Variants in ROBO2 observed in about 807,000 individuals in gnomAD.
ROBO2 encodes roundabout homolog 2.
Under a neutral mutation model 160.8 loss-of-function variants are expected in ROBO2, and 53 were observed. That is an observed-to-expected ratio of 0.33 (90% CI 0.26 to 0.41). ROBO2 has a LOEUF of 0.41. Among genes scored for constraint, ROBO2 ranks in the 10% least tolerant of loss-of-function variants. The pLI is 1.00. For missense variants in ROBO2, 1,577 were observed against 1,722.4 expected (o/e 0.92, Z 1.49); for synonymous variants, 664 against 611.7 (o/e 1.09, Z -1.26).
intron 1 of ROBO2, among the ~76,000 whole-genome samples, chr3:75,914,010 C>A (rs1022891144): frequency 6.6e-6 from 1 of 152,130 alleles, no homozygotes; most frequent in South Asian, 2.1e-4. Context: ...AAGATAGATT[C>A]GTTTTCCCCT....
At chr3:76,448,593 A>T (rs2109237046) in intron 2 of ROBO2, among the ~76,000 whole-genome samples, 1 of 152,250 alleles carries the variant, frequency 6.6e-6, no homozygotes, top group Middle Eastern at 3.4e-3. Flanking sequence ...CTGTTACTAA[A>T]CAGTTCCATG....
chr3:76,614,036 A>T (rs12631445), intron 2 of ROBO2, among the ~76,000 whole-genome samples: 130,774 of 151,930 alleles, frequency 0.86, 58,002 homozygotes, highest in East Asian at 0.98. Context: ...CTAATACTGA[A>T]TTTATTTCAC....
At chr3:76,516,537 G>A (rs2081355735) in intron 2 of ROBO2, among the ~76,000 whole-genome samples, 1 of 152,104 alleles carries the variant, frequency 6.6e-6, no homozygotes, top group Non-Finnish European at 1.5e-5. Context: ...ATGTGTCATT[G>A]GACTGTGAAC....
At chr3:76,467,906 A>T (rs187929932) in intron 2 of ROBO2, among the ~76,000 whole-genome samples, 37 of 152,270 alleles carry the variant, frequency 2.4e-4, no homozygotes, top group African/African-American at 8.9e-4. Flanking sequence ...CAGTGGCAAT[A>T]TATTTGAGAT....
chr3:76,651,238 G>A (rs935399420), intron 2 of ROBO2, among the ~76,000 whole-genome samples: 4 of 152,004 alleles, frequency 2.6e-5, no homozygotes, highest in African/African-American at 9.7e-5. Flanking sequence ...TCCTCATCGC[G>A]GCCAGGATGA....
intron 2 of ROBO2, among the ~76,000 whole-genome samples, chr3:77,148,407 C>A (rs2077281799): frequency 6.6e-6 from 1 of 152,218 alleles, no homozygotes. Flanking sequence ...CTCTTCTAAT[C>A]ATTTCTGCAT....
intron 2 of ROBO2, among the ~76,000 whole-genome samples, chr3:76,863,449 A>C (rs964423873): frequency 6.6e-6 from 1 of 151,430 alleles, no homozygotes; most frequent in Admixed American, 6.6e-5. Context: ...AAAAAAAAGA[A>C]AAAAGAAAAG....
At chr3:76,148,276 TGC>T (rs1474151693) in intron 2 of ROBO2, among the ~76,000 whole-genome samples, 1 of 152,026 alleles carries the variant, frequency 6.6e-6, no homozygotes, top group Non-Finnish European at 1.5e-5. Flanking sequence ...ATTGATGTGC[TGC>T]TTCTGTTTCT....
intron 2 of ROBO2, among the ~76,000 whole-genome samples, chr3:76,376,967 CTT>C (rs1474828583): frequency 2.6e-5 from 4 of 152,114 alleles, no homozygotes; most frequent in African/African-American, 7.2e-5. Flanking sequence ...AAGGTCAAAA[CTT>C]TTTCTGTTGT....
exon 12 of ROBO2, chr3:77,565,098 G>A (rs973094543): frequency 2.1e-5 from 34 of 1,613,496 alleles, no homozygotes; most frequent in Non-Finnish European, 2.5e-5. Flanking sequence ...CAAGTCCCAT[G>A]TCAGATCCTG....
rs552200610 is a variant in ROBO2, at chr3:77,108,238, G to T, written c.388+9898G>T. ...TATGTATACACATATGCATATATAT[G>T]TATACACATATGCATATATATGTAT... is the stretch of plus-strand genomic sequence containing the variant. On this transcript the variant is annotated intron_variant, in intron 2 of 25. Coordinates refer to ENST00000461745, the Ensembl canonical transcript of ROBO2. 3.5e-5 allele frequency among the ~76,000 whole-genome samples: 5 copies of T among 144,858 alleles called. No homozygotes were observed. The South Asian group carries it at 8.7e-4, about 25-fold the overall frequency.
At chr3:76,250,937 C>T (rs2107552181) in intron 2 of ROBO2, among the ~76,000 whole-genome samples, 1 of 151,992 alleles carries the variant, frequency 6.6e-6, no homozygotes, top group African/African-American at 2.4e-5. Flanking sequence ...TATAATTCAC[C>T]TGAATTATTA....
At chr3:76,991,931 G>A (rs979710107) in intron 2 of ROBO2, among the ~76,000 whole-genome samples, 1 of 152,080 alleles carries the variant, frequency 6.6e-6, no homozygotes, top group African/African-American at 2.4e-5. Flanking sequence ...TAATCAGATA[G>A]TCACTCTGGT....
At chr3:76,062,039 A>G (rs1027802559) in intron 2 of ROBO2, among the ~76,000 whole-genome samples, 3 of 152,080 alleles carry the variant, frequency 2.0e-5, no homozygotes, top group Non-Finnish European at 4.4e-5. Flanking sequence ...GCTTGCTAGG[A>G]TGACTCCAGA....
intron 24 of ROBO2, among the ~76,000 whole-genome samples, chr3:77,637,626 A>G (rs143293164): frequency 3.2e-4 from 49 of 152,256 alleles, no homozygotes; most frequent in African/African-American, 1.1e-3. Context: ...AAAAAGGACT[A>G]CTTTCACTGA....
intron 2 of ROBO2, among the ~76,000 whole-genome samples, chr3:76,307,594 C>A (rs944809323): frequency 3.9e-5 from 6 of 151,914 alleles, no homozygotes; most frequent in African/African-American, 1.5e-4. Flanking sequence ...GCCACAACTA[C>A]CCCAAAATCC....
intron 2 of ROBO2, among the ~76,000 whole-genome samples, chr3:76,214,467 T>C (rs1289848459): frequency 6.6e-6 from 1 of 152,158 alleles, no homozygotes; most frequent in East Asian, 1.9e-4. Context: ...CCCACCCTAA[T>C]ACTGTGCTTT....
rs1196723082 is a variant in ROBO2, at chr3:77,562,730, C to A, written c.1517C>A (p.Thr506Lys). 3.7e-6 allele frequency: 6 copies of A among 1,609,726 alleles called. No individual in the cohort carries two copies. The South Asian group carries it at 5.5e-5, about 15-fold the overall frequency. The change falls in exon 10 of 26, where the codon ACA becomes AAA. Residue 506 changes from threonine (T) to lysine (K), a missense_variant and splice_region_variant. By Grantham distance (78) the Thr-to-Lys change is moderately conservative. Transcript: ENST00000461745. ...TCCTGGAGTGCAGTGCTGGATGTGA[C>A]AGGTGAGGACTTTGTGAATTAGGAG...
intron 2 of ROBO2, among the ~76,000 whole-genome samples, chr3:76,080,940 TA>T (rs2068807714): frequency 1.3e-5 from 2 of 152,154 alleles, no homozygotes; most frequent in South Asian, 4.1e-4. Context: ...AATATTCCTT[TA>T]TAAAAATATT....
Sources: gnomAD v4.1 joint callset for allele counts (sites outside exome capture counted in the v4.1 genomes callset) on GRCh38, gnomAD v4.1.1 for gene constraint, MANE v1.5 for transcripts, NCBI Gene and HGNC (gene_info 2026-07-23, HGNC 2026-07-21) for gene names.